The following ZNF354A variants were observed in gnomAD, a reference collection of about 807,000 sequenced individuals.
ZNF354A encodes the protein epididymis luminal protein 104.
ZNF354A carries 25 observed loss-of-function variants against 53.3 expected under a neutral mutation model. The ratio of observed to expected loss-of-function variants is 0.47; its 90% confidence interval spans 0.34 to 0.66. The LOEUF (loss-of-function observed/expected upper bound fraction) is 0.66. Among genes scored for constraint, ZNF354A ranks in the 30% least tolerant of loss-of-function variants. The pLI, the probability that ZNF354A is intolerant of heterozygous loss-of-function variation, is 0.01. For synonymous variants in ZNF354A, 228 were observed against 249.0 expected (o/e 0.92, Z 0.79); for missense variants, 586 against 716.8 (o/e 0.82, Z 2.08).
intron 4 of ZNF354A, among the ~76,000 whole-genome samples, chr5:178,718,948 C>T (rs1765761773): frequency 6.6e-6 from 1 of 152,180 alleles, no homozygotes; most frequent in Non-Finnish European, 1.5e-5. Context: ...GCCCAGGCTG[C>T]ACATTCTCTT....
intron 4 of ZNF354A, among the ~76,000 whole-genome samples, chr5:178,721,364 C>T (rs1269404701): frequency 2.0e-5 from 3 of 152,136 alleles, no homozygotes; most frequent in African/African-American, 7.2e-5. Context: ...AGTATTTGTG[C>T]ATCTCAACAT....
At chr5:178,720,904 T>G (rs933708423) in intron 4 of ZNF354A, among the ~76,000 whole-genome samples, 2 of 152,210 alleles carry the variant, frequency 1.3e-5, no homozygotes, top group African/African-American at 2.4e-5. Flanking sequence ...TAAAGGCAAT[T>G]CAAATAATTC....
intron 1 of ZNF354A, among the ~76,000 whole-genome samples, chr5:178,730,299 G>A (rs1766008449): frequency 6.6e-6 from 1 of 152,038 alleles, no homozygotes; most frequent in Admixed American, 6.5e-5. Context: ...AGTCCGCGAG[G>A]CCCACATGGA....
At chr5:178,727,976 G>A (rs1304978940) in intron 2 of ZNF354A, among the ~76,000 whole-genome samples, 2 of 152,090 alleles carry the variant, frequency 1.3e-5, no homozygotes, top group Non-Finnish European at 2.9e-5. Flanking sequence ...TCGGCCTCCT[G>A]AGTAGGTGGG....
rs779582510 is a variant in ZNF354A at position 178,712,788 on chromosome 5, T to A, written c.1090A>T (p.Lys364Ter). ...TGATAACGAAGGGATGAGCTAGACT[T>A]AAAGGTGTTGCCACATTCATTACAT... ...YLCNECGNTF[K>*]SSSSLRYHQR... Residue 364 changes from lysine to a stop codon, truncating the protein, a stop_gained, in exon 5 of 5, where the codon AAG (lysine) becomes TAG (stop). Transcript: ENST00000335815. LOFTEE classifies it high-confidence loss of function. 2 of 1,614,126 alleles carry A rather than the reference T, an allele frequency of 1.2e-6. No homozygotes were observed. The highest frequency in any genetic ancestry group is 1.7e-6 in the Non-Finnish European group (2 of 1,179,998).
chr5:178,721,295 A>T lies in ZNF354A; in HGVS notation c.256+4081T>A, dbSNP rs992906281. 5.9e-5 allele frequency among the ~76,000 whole-genome samples: 9 copies of T among 152,156 alleles called. 1 individual carries two copies. The highest frequency in any genetic ancestry group is 5.2e-4 in the Admixed American group (8 of 15,272). On this transcript the variant is annotated intron_variant, in intron 4 of 4. Coordinates refer to ENST00000335815, the MANE Select transcript of ZNF354A (RefSeq NM_005649.3). The stretch of plus-strand genomic sequence containing the variant: ...GTATAGGCTACTACACACCTAGGCT[A>T]TACCCCTATACAGCATGTTACTTAG...
At chr5:178,721,216 C>A (rs576181185) in intron 4 of ZNF354A, among the ~76,000 whole-genome samples, 1 of 151,964 alleles carries the variant, frequency 6.6e-6, no homozygotes, top group East Asian at 1.9e-4. Context: ...TTCTGAGATA[C>A]GCGTTGTTGG....
At chr5:178,716,655 G>T (rs10044496) in intron 4 of ZNF354A, among the ~76,000 whole-genome samples, 99,963 of 152,084 alleles carry the variant, frequency 0.66, 34,720 homozygotes, top group East Asian at 0.77. Context: ...CATGTGGATA[G>T]CTGAAGAAAG....
chr5:178,714,490 C>T (rs1765680782), intron 4 of ZNF354A, among the ~76,000 whole-genome samples: 2 of 152,152 alleles, frequency 1.3e-5, no homozygotes, highest in African/African-American at 4.8e-5. Context: ...ATAATATATG[C>T]ACACATATAT....
intron 4 of ZNF354A, among the ~76,000 whole-genome samples, chr5:178,715,900 GT>G (rs11287612): frequency 0.72 from 103,249 of 143,616 alleles, 36,926 homozygotes; most frequent in African/African-American, 0.78. Context: ...AATCTCTGTG[GT>G]TTTTTTTTTT....
intron 4 of ZNF354A, among the ~76,000 whole-genome samples, chr5:178,720,897 A>G (rs1331279136): frequency 6.6e-6 from 1 of 152,252 alleles, no homozygotes; most frequent in African/African-American, 2.4e-5. Flanking sequence ...TGCAATGTAA[A>G]GGCAATTCAA....
intron 2 of ZNF354A, among the ~76,000 whole-genome samples, chr5:178,728,463 A>AC (rs1491251720): frequency 2.4e-4 from 36 of 151,480 alleles, no homozygotes; most frequent in South Asian, 1.9e-3. Flanking sequence ...ATGCATACAC[A>AC]AACACACACA....
rs781591473 is a variant in ZNF354A, at chr5:178,712,460, T to G, written c.1418A>C (p.Lys473Thr). The change falls in exon 5 of 5, where the codon AAA (lysine) becomes ACA (threonine). Residue 473 changes from lysine to threonine, a missense_variant. Coordinates refer to ENST00000335815, the MANE Select transcript of ZNF354A (RefSeq NM_005649.3). Reference protein sequence around the residue: ...EKPCKCKVCGKAFRQSSALIQ... With the variant: ...EKPCKCKVCGTAFRQSSALIQ... ...GAGAGCTGAACTCTGTCTGAAGGCT[T>G]TTCCACATACTTTACATTTACATGG... 1 of 1,614,008 alleles carries G rather than the reference T, an allele frequency of 6.2e-7. No individual in the cohort carries two copies. The highest frequency in any genetic ancestry group is 1.1e-5 in the South Asian group (1 of 91,078).
At chr5:178,724,142 A>C (rs1466368068) in intron 4 of ZNF354A, among the ~76,000 whole-genome samples, 1 of 149,442 alleles carries the variant, frequency 6.7e-6, no homozygotes, top group Non-Finnish European at 1.5e-5. Flanking sequence ...CTCCTCCCTC[A>C]CGAACTCACG....
At position 178,711,886 on chromosome 5, in the gene ZNF354A, A is replaced by C; in HGVS notation, c.*174T>G. 6 of 690,216 alleles carry C rather than the reference A, an allele frequency of 8.7e-6. No individual in the cohort carries two copies. Among genetic ancestry groups the C allele is most frequent in the Non-Finnish European group, 1.3e-5 (6 of 463,168 alleles). The allele number at this position is 690,216 out of a possible 1,614,324, so 42.8% of individuals were successfully genotyped here. ...ATTTTTTTAAGTGTCTGACAGGCAC[A>C]AACACTTTCCTCATATCTATTATAT... On this transcript the variant is annotated 3_prime_UTR_variant, in exon 5 of 5. Transcript: ENST00000335815.
intron 3 of ZNF354A, chr5:178,726,190 T>A: frequency 4.4e-6 from 2 of 455,786 alleles, no homozygotes; most frequent in Non-Finnish European, 8.8e-6. Flanking sequence ...CTACGGGTCA[T>A]GGGCCAAATT....
At chr5:178,715,493 T>C (rs1347861779) in intron 4 of ZNF354A, among the ~76,000 whole-genome samples, 5 of 152,338 alleles carry the variant, frequency 3.3e-5, no homozygotes, top group South Asian at 4.1e-4. Flanking sequence ...TTCTTAACTT[T>C]ATGCTTAACA....
At chr5:178,725,535 C>A in intron 3 of ZNF354A, 64 bp from the exon 4 acceptor site, 1 of 1,524,852 alleles carries the variant, frequency 6.6e-7, no homozygotes, top group South Asian at 1.1e-5. Context: ...ATACAGTTAT[C>A]CCAAATTTAA....
intron 2 of ZNF354A, among the ~76,000 whole-genome samples, 200 bp downstream of exon 2, chr5:178,728,782 CAAAAAAAA>C (rs1157233878): frequency 2.2e-4 from 11 of 50,884 alleles, no homozygotes; most frequent in African/African-American, 2.8e-4. Context: ...AAGCGAGATT[CAAAAAAAA>C]AAAAAAAAAA....
Sources: gnomAD v4.1 joint callset for allele counts (sites outside exome capture counted in the v4.1 genomes callset) on GRCh38, gnomAD v4.1.1 for gene constraint, MANE v1.5 for transcripts, NCBI Gene and HGNC (gene_info 2026-07-23, HGNC 2026-07-21) for gene names.